BMPR2: variants seen among roughly 807,000 people sequenced by gnomAD.
BMPR2 encodes the protein bone morphogenetic protein receptor type 2, also known as bone morphogenetic protein receptor type-2.
BMPR2 carries 29 observed loss-of-function variants against 100.8 expected under a neutral mutation model. The observed-to-expected ratio is 0.29, with a 90% CI of 0.21 to 0.39. BMPR2 has a LOEUF of 0.39. Among genes scored for constraint, BMPR2 ranks in the 10% least tolerant of loss-of-function variants. The pLI, the probability that BMPR2 is intolerant of heterozygous loss-of-function variation, is 1.00. For synonymous variants in BMPR2, 382 were observed against 442.3 expected (o/e 0.86, Z 1.71); for missense variants, 1,011 against 1,274.5 (o/e 0.79, Z 3.15).
intron 1 of BMPR2, among the ~76,000 whole-genome samples, chr2:202,406,020 G>A (rs745634239): frequency 2.0e-5 from 3 of 152,126 alleles, no homozygotes; most frequent in Non-Finnish European, 2.9e-5. Flanking sequence ...CTGTACAAAC[G>A]AACTCAGTGG....
chr2:202,458,767 A>G (rs1692171231), intron 1 of BMPR2, among the ~76,000 whole-genome samples: 1 of 152,220 alleles, frequency 6.6e-6, no homozygotes, highest in Admixed American at 6.5e-5. Flanking sequence ...TCTGCCTATA[A>G]GCAAACTTAC....
At chr2:202,396,054 C>T (rs1010923376) in intron 1 of BMPR2, among the ~76,000 whole-genome samples, 1 of 152,108 alleles carries the variant, frequency 6.6e-6, no homozygotes, top group Non-Finnish European at 1.5e-5. Flanking sequence ...GTGGCAAAGG[C>T]ACAGTGATCA....
At chr2:202,520,271 A>G in intron 7 of BMPR2, 70 bp downstream of exon 7, 1 of 986,492 alleles carries the variant, frequency 1.0e-6, no homozygotes, top group Non-Finnish European at 1.6e-6. Flanking sequence ...TTTTAATTAT[A>G]TCTTCAAAGT....
intron 3 of BMPR2, among the ~76,000 whole-genome samples, chr2:202,483,390 T>TTTTTG (rs1692701175): frequency 6.7e-6 from 1 of 148,282 alleles, no homozygotes; most frequent in Non-Finnish European, 1.5e-5. Flanking sequence ...TTTGTTTTTG[T>TTTTTG]TTTTTTTTTG....
At chr2:202,457,311 T>C (rs954603536) in intron 1 of BMPR2, among the ~76,000 whole-genome samples, 3 of 151,846 alleles carry the variant, frequency 2.0e-5, no homozygotes, top group African/African-American at 4.8e-5. Context: ...CAGTTATTCA[T>C]TGCTTCAGAT....
intron 5 of BMPR2, among the ~76,000 whole-genome samples, chr2:202,516,677 G>A (rs1265204082): frequency 6.6e-6 from 1 of 152,026 alleles, no homozygotes; most frequent in Non-Finnish European, 1.5e-5. Flanking sequence ...GGTATTAACT[G>A]CCAATTCACA....
chr2:202,471,697 A>G (rs1335000929), intron 3 of BMPR2, among the ~76,000 whole-genome samples: 1 of 152,218 alleles, frequency 6.6e-6, no homozygotes. Flanking sequence ...GAAGCAAAAA[A>G]GACTGGACGA....
intron 4 of BMPR2, 74 bp from the exon 5 acceptor site, chr2:202,514,814 A>C: frequency 2.5e-6 from 3 of 1,189,844 alleles, no homozygotes. Context: ...TTTAAGTGTA[A>C]TATTATAAAA....
Position 202,503,723 on chromosome 2 carries a change from T to G in BMPR2, c.419-9996T>G, listed in dbSNP as rs1251313125. Among the ~76,000 whole-genome samples, 2 of 152,278 alleles carry G rather than the reference T, an allele frequency of 1.3e-5. No homozygotes were observed. The highest frequency in any genetic ancestry group is 4.8e-5 in the African/African-American group (2 of 41,574). On this transcript the variant is annotated intron_variant, in intron 3 of 12. Coordinates refer to ENST00000374580, the MANE Select transcript of BMPR2 (RefSeq NM_001204.7). This position sits in a 1 kb window ranked among gnomAD's most constrained non-coding sequence, Gnocchi z 4.0. ...CCGCCCCCTGCTCCACGGCGCCCAG[T>G]CCCATCAACCACCCAAGGGCTGAGG...
intron 1 of BMPR2, among the ~76,000 whole-genome samples, chr2:202,443,550 CTCTTTCTCTCTT>C (rs1381992010): frequency 1.3e-5 from 2 of 149,298 alleles, no homozygotes; most frequent in African/African-American, 5.1e-5. Flanking sequence ...TTCTGTCTCT[CTCTTTCTCTCTT>C]TCTTTCTTCT....
At chr2:202,471,723 C>G (rs1468510223) in intron 3 of BMPR2, among the ~76,000 whole-genome samples, 2 of 152,102 alleles carry the variant, frequency 1.3e-5, no homozygotes, top group East Asian at 3.8e-4. Flanking sequence ...CAGTGCCTGT[C>G]TTTTACTGGA....
intron 1 of BMPR2, among the ~76,000 whole-genome samples, chr2:202,415,578 G>T (rs1002655839): frequency 6.6e-6 from 1 of 152,184 alleles, no homozygotes; most frequent in African/African-American, 2.4e-5. Context: ...AATACAGCTG[G>T]TGACTTTAAG....
chr2:202,446,983 G>T (rs1393872155), intron 1 of BMPR2, among the ~76,000 whole-genome samples: 2 of 149,124 alleles, frequency 1.3e-5, no homozygotes, highest in Non-Finnish European at 2.9e-5. Context: ...CATTATGCTG[G>T]TGTTTAATAC....
intron 3 of BMPR2, among the ~76,000 whole-genome samples, chr2:202,505,850 T>C (rs1183249310): frequency 6.6e-6 from 1 of 152,246 alleles, no homozygotes; most frequent in Non-Finnish European, 1.5e-5. Context: ...AGACTACTTA[T>C]TTCCTAACAA....
intron 9 of BMPR2, among the ~76,000 whole-genome samples, chr2:202,533,305 A>G (rs1008835885): frequency 1.3e-4 from 19 of 151,970 alleles, no homozygotes; most frequent in African/African-American, 4.1e-4. Context: ...TAATCCCAGC[A>G]CTTTGTGAGG....
chr2:202,497,595 G>C (rs957316921), intron 3 of BMPR2, among the ~76,000 whole-genome samples: 1 of 152,120 alleles, frequency 6.6e-6, no homozygotes, highest in African/African-American at 2.4e-5. Flanking sequence ...TGCAGCTCCG[G>C]GGTCCCAACA....
At chr2:202,476,431 A>G (rs1197515755) in intron 3 of BMPR2, among the ~76,000 whole-genome samples, 1 of 152,208 alleles carries the variant, frequency 6.6e-6, no homozygotes, top group Non-Finnish European at 1.5e-5. Flanking sequence ...ACATGGAAAC[A>G]TTTAAAATAC....
chr2:202,481,353 A>G (rs1692657397), intron 3 of BMPR2, among the ~76,000 whole-genome samples: 1 of 151,686 alleles, frequency 6.6e-6, no homozygotes, highest in South Asian at 2.1e-4. Context: ...TAATTTTTGT[A>G]TTTTTAGTAG....
intron 9 of BMPR2, among the ~76,000 whole-genome samples, chr2:202,535,812 C>T (rs1051421114): frequency 2.0e-5 from 3 of 152,166 alleles, no homozygotes; most frequent in Non-Finnish European, 4.4e-5. Context: ...ACTGAGTGAA[C>T]GAGACTCCGT....
Sources: allele counts gnomAD v4.1 joint callset (sites outside exome capture counted in the v4.1 genomes callset), GRCh38; gene constraint gnomAD v4.1.1; non-coding constraint Gnocchi (gnomAD v3.1); transcripts MANE v1.5; gene names NCBI Gene and HGNC (gene_info 2026-07-23, HGNC 2026-07-21).